Variants in MGAT4C observed in about 807,000 individuals in gnomAD.
MGAT4C encodes the protein alpha-1,3-mannosyl-glycoprotein 4-beta-N-acetylglucosaminyltransferase C.
A neutral mutation model predicts 40.1 loss-of-function variants in MGAT4C; 19 were observed. The observed-to-expected ratio is 0.47, with a 90% CI of 0.33 to 0.70. MGAT4C has a LOEUF of 0.70. Ranked by LOEUF, MGAT4C falls within the 30% of genes least tolerant of loss-of-function variation. The pLI is 0.02. For missense variants in MGAT4C, 491 were observed against 563.2 expected (o/e 0.87, Z 1.30); for synonymous variants, 181 against 187.1 (o/e 0.97, Z 0.27).
intron 2 of MGAT4C, among the ~76,000 whole-genome samples, chr12:86,701,302 C>G (rs769880693): frequency 1.3e-4 from 19 of 151,736 alleles, no homozygotes; most frequent in Non-Finnish European, 1.9e-4. Flanking sequence ...GCCGTTTTTC[C>G]AACAGCATGT....
intron 2 of MGAT4C, among the ~76,000 whole-genome samples, chr12:86,579,251 T>G (rs1194789649): frequency 6.6e-6 from 1 of 151,592 alleles, no homozygotes; most frequent in Non-Finnish European, 1.5e-5. Context: ...CCTGTCTTCC[T>G]CTAATGAAGG....
chr12:86,642,841 A>T (rs1445842140), intron 2 of MGAT4C, among the ~76,000 whole-genome samples: 4 of 151,662 alleles, frequency 2.6e-5, no homozygotes, highest in Non-Finnish European at 5.9e-5. Flanking sequence ...CATATACATT[A>T]GGAAACCTAT....
At chr12:86,116,274 G>T (rs1878405625) in intron 1 of MGAT4C, among the ~76,000 whole-genome samples, 1 of 151,778 alleles carries the variant, frequency 6.6e-6, no homozygotes, top group Non-Finnish European at 1.5e-5. Context: ...GCATTAACGG[G>T]CACTCTGACT....
chr12:86,172,322 A>G (rs1886940659), intron 1 of MGAT4C, among the ~76,000 whole-genome samples: 3 of 152,170 alleles, frequency 2.0e-5, no homozygotes, highest in African/African-American at 7.2e-5. Context: ...TAATTGGATA[A>G]TAGTCAAACT....
At chr12:86,284,545 AC>A (rs1452821917) in intron 4 of MGAT4C, among the ~76,000 whole-genome samples, 1 of 151,842 alleles carries the variant, frequency 6.6e-6, no homozygotes, top group African/African-American at 2.4e-5. Flanking sequence ...TTATAATTCC[AC>A]CCTTATCCCT....
At chr12:86,511,763 G>A (rs1330285185) in intron 2 of MGAT4C, among the ~76,000 whole-genome samples, 1 of 152,070 alleles carries the variant, frequency 6.6e-6, no homozygotes, top group Non-Finnish European at 1.5e-5. Flanking sequence ...TGGATTAGAT[G>A]TAAATAAAGG....
At position 86,265,123 on chromosome 12, in the gene MGAT4C, A is replaced by G. The variant is rs537602431; in HGVS notation, c.-57+68942T>C. On this transcript the variant is annotated intron_variant, in intron 4 of 7. Coordinates refer to the MGAT4C transcript ENST00000548651. ...CCCCACCCCCCGACCCCCAGCCGGC[A>G]TGCCTGGCTGTGCGCAGTGGCCAGA... 7.5e-5 allele frequency among the ~76,000 whole-genome samples: 11 copies of G among 147,608 alleles called. No homozygotes were observed. In the East Asian group the frequency reaches 2.4e-3, roughly 32 times the overall value.
rs1219241075 is a variant in MGAT4C at position 85,999,581 on chromosome 12, GTGTATATATATA to G, written c.-6-10041_-6-10030del. ...GTAAAGAAAATGTGTGTGTGTGTGTGTGTATATATATATATATATATATATATACATACACAA... is the reference window on the plus strand; with the variant it reads ...GTAAAGAAAATGTGTGTGTGTGTGTGTATATATATATATATACATACACAA... On this transcript the variant is annotated intron_variant, in intron 2 of 4. Coordinates refer to ENST00000611864, the MANE Select transcript of MGAT4C (RefSeq NM_001351288.2). Among the ~76,000 whole-genome samples the G allele has an allele frequency of 1.0e-3, 122 of 116,710 alleles. 2 individuals are homozygous for G. Among genetic ancestry groups the G allele is most frequent in the Admixed American group, 2.9e-3 (30 of 10,472 alleles). The allele number at this position is 116,710 out of a possible 152,430, so 76.6% of individuals were successfully genotyped here.
chr12:86,718,043 A>T (rs1950675716), intron 2 of MGAT4C, among the ~76,000 whole-genome samples: 2 of 152,170 alleles, frequency 1.3e-5, no homozygotes, highest in Non-Finnish European at 2.9e-5. Context: ...TTTGTTGGTC[A>T]TAATGGGGGA....
At chr12:85,991,893 C>A (rs1391230263) in intron 2 of MGAT4C, among the ~76,000 whole-genome samples, 1 of 152,154 alleles carries the variant, frequency 6.6e-6, no homozygotes, top group Non-Finnish European at 1.5e-5. Context: ...TTCATCAGAG[C>A]AGGTCCTTGG....
At chr12:86,069,936 T>C (rs1894918258) in intron 1 of MGAT4C, among the ~76,000 whole-genome samples, 1 of 152,142 alleles carries the variant, frequency 6.6e-6, no homozygotes, top group South Asian at 2.1e-4. Flanking sequence ...TATATTCTCA[T>C]TTATTGCTAA....
At chr12:86,421,303 T>A in intron 3 of MGAT4C, among the ~76,000 whole-genome samples, 1 of 152,182 alleles carries the variant, frequency 6.6e-6, no homozygotes, top group East Asian at 1.9e-4. Flanking sequence ...AAAGTGACAT[T>A]TAGATTTCCA....
At chr12:86,810,837 C>T (rs561819103) in intron 1 of MGAT4C, among the ~76,000 whole-genome samples, 29 of 152,008 alleles carry the variant, frequency 1.9e-4, no homozygotes, top group Admixed American at 1.4e-3. Context: ...TTTGGTATTA[C>T]GGTAATACTA....
At chr12:86,656,676 G>C (rs987673651) in intron 2 of MGAT4C, among the ~76,000 whole-genome samples, 1 of 152,016 alleles carries the variant, frequency 6.6e-6, no homozygotes, top group Admixed American at 6.6e-5. Context: ...TGTGAAAAAT[G>C]CTTCGTGAGC....
At chr12:86,537,331 C>T (rs185739916) in intron 2 of MGAT4C, among the ~76,000 whole-genome samples, 193 of 151,954 alleles carry the variant, frequency 1.3e-3, no homozygotes, top group African/African-American at 4.5e-3. Flanking sequence ...TGTAACAAAC[C>T]TGCACGTTGT....
At chr12:86,563,450 G>A (rs1293944890) in intron 2 of MGAT4C, among the ~76,000 whole-genome samples, 1 of 152,168 alleles carries the variant, frequency 6.6e-6, no homozygotes, top group Admixed American at 6.5e-5. Flanking sequence ...AAAAATTCCA[G>A]GTTGAGTGGA....
intron 2 of MGAT4C, among the ~76,000 whole-genome samples, chr12:86,619,862 T>A (rs907462654): frequency 6.6e-6 from 1 of 152,274 alleles, no homozygotes; most frequent in South Asian, 2.1e-4. Flanking sequence ...TCCACTAGCT[T>A]GCAAACTTAT....
intron 2 of MGAT4C, among the ~76,000 whole-genome samples, chr12:86,552,731 AAC>A (rs1386324869): frequency 6.6e-6 from 1 of 152,124 alleles, no homozygotes; most frequent in Non-Finnish European, 1.5e-5. Context: ...AAAAAATAAA[AAC>A]AGTTATAAAT....
At chr12:86,747,420 G>C (rs1951168553) in intron 1 of MGAT4C, among the ~76,000 whole-genome samples, 1 of 151,450 alleles carries the variant, frequency 6.6e-6, no homozygotes, top group Admixed American at 6.6e-5. Flanking sequence ...CTTGTGTGGA[G>C]GTTGTTATAA....
Sources: gnomAD v4.1 joint callset for allele counts (sites outside exome capture counted in the v4.1 genomes callset) on GRCh38, gnomAD v4.1.1 for gene constraint, MANE v1.5 for transcripts, NCBI Gene and HGNC (gene_info 2026-07-23, HGNC 2026-07-21) for gene names.